The following SCTR variants were observed in gnomAD, a reference collection of about 807,000 sequenced individuals.
The protein encoded by SCTR is secretin receptor.
A neutral mutation model predicts 60.8 loss-of-function variants in SCTR; 56 were observed. The observed-to-expected ratio is 0.92, with a 90% CI of 0.74 to 1.15. The LOEUF (loss-of-function observed/expected upper bound fraction) is 1.15. SCTR is among the 50% of genes most tolerant of loss of function. The pLI is 0.00. For synonymous variants in SCTR, 202 were observed against 217.0 expected, an observed-to-expected ratio of 0.93 and a Z score of 0.61; for missense variants, 562 against 550.4, an observed-to-expected ratio of 1.02 and a Z score of -0.21.
At chr2:119,474,991 C>A (rs1399205677) in intron 3 of SCTR, among the ~76,000 whole-genome samples, 2 of 152,228 alleles carry the variant, frequency 1.3e-5, no homozygotes, top group Non-Finnish European at 1.5e-5. Context: ...CATCATTTCT[C>A]TGTGCCACAA....
In SCTR at chr2:119,470,241, A is replaced by G. The variant is rs113430687; in HGVS notation, c.405+3212T>C. Among the ~76,000 whole-genome samples the G allele has an allele frequency of 9.2e-3, 1,399 of 152,332 alleles. 16 individuals are homozygous for G. The highest frequency in any genetic ancestry group is 0.032 in the African/African-American group (1,340 of 41,572). On this transcript the variant is annotated intron_variant, in intron 4 of 12. Coordinates refer to ENST00000019103, the MANE Select transcript of SCTR (RefSeq NM_002980.3). Reference sequence around the variant, plus strand: ...GGTGTCAGTAATATTGTGTGTCAATAATATAGTGGTGTATACCAAGTAAGG... The same window carrying G: ...GGTGTCAGTAATATTGTGTGTCAATGATATAGTGGTGTATACCAAGTAAGG...
chr2:119,440,205 G>A lies in SCTR; in HGVS notation c.1235C>T (p.Pro412Leu). 1 of 1,614,090 alleles carries A rather than the reference G, an allele frequency of 6.2e-7. No homozygotes were observed. The highest frequency in any genetic ancestry group is 1.1e-5 in the South Asian group (1 of 91,082). ...GCTGAAGGAGGCCACGGGGTGCAGT[G>A]GGAACTCACGGAGGTGCCATTGCTG... is the stretch of plus-strand genomic sequence containing the variant. ...KWQQWHLREF[P>L]LHPVASFSNS... is the part of the protein sequence containing the mutation. Residue 412 changes from proline to leucine, a missense_variant, in exon 13 of 13, where the codon CCA becomes CTA. Coordinates refer to ENST00000019103, the MANE Select transcript of SCTR (RefSeq NM_002980.3).
Position 119,440,103 on chromosome 2 carries a change from C to T in SCTR, c.*14G>A. 1.2e-6 allele frequency: 2 copies of T among 1,611,982 alleles called. No homozygotes were observed. The highest frequency in any genetic ancestry group is 1.3e-5 in the African/African-American group (1 of 75,038). On this transcript the variant is annotated 3_prime_UTR_variant, in exon 13 of 13. Transcript: ENST00000019103. Reference sequence around the variant, plus strand: ...CTCTTGGTCTCTGTCCGTGGGTGACCCTGCTCCAGCCTCTCAGATGATGCT... The same window carrying T: ...CTCTTGGTCTCTGTCCGTGGGTGACTCTGCTCCAGCCTCTCAGATGATGCT...
At chr2:119,515,314 C>T (rs1679078764) in intron 1 of SCTR, among the ~76,000 whole-genome samples, 1 of 152,152 alleles carries the variant, frequency 6.6e-6, no homozygotes, top group Non-Finnish European at 1.5e-5. Flanking sequence ...AGTAAAGAAC[C>T]CCTAGGAGAT....
intron 6 of SCTR, 97 bp downstream of exon 6, chr2:119,464,026 G>T: frequency 7.6e-7 from 1 of 1,320,996 alleles, no homozygotes; most frequent in Non-Finnish European, 1.1e-6. Flanking sequence ...CTCAGCAGGG[G>T]CTTGGGGGAA....
At chr2:119,449,761 GT>G (rs1683073742) in intron 9 of SCTR, among the ~76,000 whole-genome samples, 1 of 152,178 alleles carries the variant, frequency 6.6e-6, no homozygotes, top group African/African-American at 2.4e-5. Context: ...CACAGGATTA[GT>G]GGCTGTCTAG....
chr2:119,443,897 T>G (rs1462967172), intron 11 of SCTR, among the ~76,000 whole-genome samples: 3 of 152,152 alleles, frequency 2.0e-5, no homozygotes, highest in African/African-American at 7.2e-5. Flanking sequence ...ATTACAGTTG[T>G]ATGTGTTCTT....
rs916381997 is a variant in SCTR at position 119,520,956 on chromosome 2, A to C, written c.72+3199T>G. Among the ~76,000 whole-genome samples the C allele has an allele frequency of 3.3e-5, 5 of 152,162 alleles. No homozygotes were observed. In the South Asian group the frequency reaches 6.2e-4, roughly 19 times the overall value. ...TTTTGCCCTTCCTACCCCCAGAAAA[A>C]ATTTGGCAATGTCTAGAGATACATT... is the stretch of plus-strand genomic sequence containing the variant. On this transcript the variant is annotated intron_variant, in intron 1 of 12. Transcript: ENST00000019103.
chr2:119,486,794 A>G (rs1677887800), intron 2 of SCTR: 1 of 152,232 alleles, frequency 6.6e-6, no homozygotes, highest in African/African-American at 2.4e-5. Context: ...TTATACAAAC[A>G]TAAGCTGCCA....
intron 1 of SCTR, 112 bp downstream of exon 1, chr2:119,524,043 C>T (rs1679373627): frequency 5.0e-6 from 4 of 796,006 alleles, no homozygotes. Flanking sequence ...GTCCCTATTC[C>T]TCATGGGAAG....
chr2:119,514,645 G>A (rs1372773459), intron 1 of SCTR, among the ~76,000 whole-genome samples: 1 of 152,148 alleles, frequency 6.6e-6, no homozygotes, highest in Non-Finnish European at 1.5e-5. Context: ...GGAGGCCAAG[G>A]CAGGTGGATC....
In SCTR at chr2:119,448,689, T is replaced by C; in HGVS notation, c.1013A>G (p.Lys338Arg). The change falls in exon 10 of 13, where the codon AAG (lysine) becomes AGG (arginine). Residue 338 changes from lysine (K) to arginine (R), a missense_variant and splice_region_variant. By Grantham distance (26) the Lys-to-Arg change is conservative. Coordinates refer to ENST00000019103, the MANE Select transcript of SCTR (RefSeq NM_002980.3). Reference sequence around the variant, plus strand: ...GCCTCAGTCTTTGCCCTTCACTTACTTATAATGGCTGACTTCATTTCCTCT... The same window carrying C: ...GCCTCAGTCTTTGCCCTTCACTTACCTATAATGGCTGACTTCATTTCCTCT... ...ETRGNEVSHY[K>R]RLARSTLLLI... 1 of 1,554,150 alleles carries C rather than the reference T, an allele frequency of 6.4e-7. No homozygotes were observed. Among genetic ancestry groups the C allele is most frequent in the Non-Finnish European group, 8.9e-7 (1 of 1,125,330 alleles).
At chr2:119,514,735 A>C (rs1679059975) in intron 1 of SCTR, among the ~76,000 whole-genome samples, 1 of 152,050 alleles carries the variant, frequency 6.6e-6, no homozygotes, top group African/African-American at 2.4e-5. Flanking sequence ...AAAATCAGCC[A>C]AGCGTGGTGG....
At chr2:119,510,401 G>A (rs987099517) in intron 1 of SCTR, among the ~76,000 whole-genome samples, 14 of 152,120 alleles carry the variant, frequency 9.2e-5, no homozygotes, top group South Asian at 4.1e-4. Context: ...GGTGGTGACC[G>A]GCAAAGAGGG....
Position 119,496,736 on chromosome 2 carries a change from G to A in SCTR, c.73-2188C>T, listed in dbSNP as rs180891486. Among the ~76,000 whole-genome samples the A allele has an allele frequency of 5.6e-3, 847 of 152,232 alleles. 8 individuals are homozygous for A. Among genetic ancestry groups the A allele is most frequent in the Middle Eastern group, 0.014 (4 of 294 alleles). On this transcript the variant is annotated intron_variant, in intron 1 of 12. Coordinates refer to ENST00000019103, the MANE Select transcript of SCTR (RefSeq NM_002980.3). ...AGCAAATGCCTGATCTTTAGCCAAC[G>A]ACCAGGAAAGGGGCATCTAGCGAAA...
At chr2:119,500,197 T>TTTAGTCCTTAAAAAG (rs141649451) in intron 1 of SCTR, among the ~76,000 whole-genome samples, 31 of 152,016 alleles carry the variant, frequency 2.0e-4, no homozygotes, top group African/African-American at 7.5e-4. Flanking sequence ...GTCCTAAAAG[T>TTTAGTCCTTAAAAAG]TTAGTCCTTA....
At chr2:119,477,328 A>G (rs886338613) in intron 3 of SCTR, among the ~76,000 whole-genome samples, 8 of 152,184 alleles carry the variant, frequency 5.3e-5, no homozygotes, top group African/African-American at 1.9e-4. Context: ...TCCGCCAGTC[A>G]GCCTGGAAAC....
intron 1 of SCTR, 143 bp from the exon 2 acceptor site, chr2:119,494,691 GA>G: frequency 1.2e-6 from 1 of 807,460 alleles, no homozygotes; most frequent in Non-Finnish European, 1.9e-6. Context: ...TGGTCTGCAG[GA>G]AAGGTGGAGG....
Position 119,478,905 on chromosome 2 carries a change from C to T in SCTR, c.207G>A (p.Met69Ile). The change falls in exon 3 of 13, where the codon ATG becomes ATA. Residue 69 changes from methionine to isoleucine, a missense_variant. Met to Ile is a conservative substitution (Grantham distance 10). Transcript: ENST00000019103. Reference sequence around the variant, plus strand: ...AGGGCCAGCAGCTTATGTTGTCCCACATCCCCTCACAACCTGCCAAGAAAA... The same window carrying T: ...AGGGCCAGCAGCTTATGTTGTCCCATATCCCCTCACAACCTGCCAAGAAAA... ...TEQPVPGCEG[M>I]WDNISCWPSS... 6.2e-7 allele frequency: 1 copy of T among 1,614,214 alleles called. No individual in the cohort carries two copies. The highest frequency in any genetic ancestry group is 8.5e-7 in the Non-Finnish European group (1 of 1,180,020).
Sources: gnomAD v4.1 joint callset for allele counts (sites outside exome capture counted in the v4.1 genomes callset) on GRCh38, gnomAD v4.1.1 for gene constraint, MANE v1.5 for transcripts, NCBI Gene and HGNC (gene_info 2026-07-23, HGNC 2026-07-21) for gene names.